Variants in NOSIP observed in about 807,000 individuals in gnomAD.
The protein encoded by NOSIP is nitric oxide synthase interacting protein.
In NOSIP, 25 loss-of-function variants were observed where a neutral mutation model predicts 36.4. The observed-to-expected ratio is 0.69, with a 90% CI of 0.50 to 0.96. The LOEUF (loss-of-function observed/expected upper bound fraction) is 0.96, where lower values mean the gene tolerates loss of function less well. Ranked by LOEUF, NOSIP falls within the 40% of genes least tolerant of loss-of-function variation. NOSIP has a pLI of 0.00. For synonymous variants in NOSIP, 187 were observed against 179.2 expected (o/e 1.04, Z -0.35); for missense variants, 370 against 429.0 (o/e 0.86, Z 1.21).
At chr19:49,561,422 T>C (rs73057960) in intron 1 of NOSIP, among the ~76,000 whole-genome samples, 13,846 of 152,224 alleles carry the variant, frequency 0.091, 901 homozygotes, top group Non-Finnish European at 0.13. Context: ...ACCAGAATAG[T>C]ATAAGGAACC....
At position 49,557,211 on chromosome 19, in the gene NOSIP, C is replaced by G. The variant is rs762403392; in HGVS notation, c.297G>C (p.Gln99His). The G allele has an allele frequency of 6.2e-7, 1 of 1,600,646 alleles. No individual in the cohort carries two copies. Among genetic ancestry groups the G allele is most frequent in the Non-Finnish European group, 8.5e-7 (1 of 1,174,420 alleles). ...GCGAGGCCGCCCGCTGAAGCTCCTT[C>G]TGCTCCTCGCGCCGGGTGCCCCGCT... ...EKQRGTRREEQKELQRAASQD... is the reference protein window; with the variant it reads ...EKQRGTRREEHKELQRAASQD... The change falls in exon 5 of 9, where the codon CAG (glutamine) becomes CAC (histidine). Residue 99 changes from glutamine to histidine, a missense_variant. Transcript: ENST00000596358.
At chr19:49,559,510 CA>C (rs112494970) in intron 3 of NOSIP, 4,069 of 164,722 alleles carry the variant, frequency 0.025, no homozygotes, top group South Asian at 0.078. Context: ...GACTCTGTCT[CA>C]AAAAAAAAAA....
chr19:49,571,485 C>A (rs2080483563), intron 1 of NOSIP, among the ~76,000 whole-genome samples: 1 of 152,112 alleles, frequency 6.6e-6, no homozygotes, highest in African/African-American at 2.4e-5. Context: ...CTGCTGTCAC[C>A]AGCATTTCAG....
chr19:49,571,637 T>A (rs145929707), intron 1 of NOSIP, among the ~76,000 whole-genome samples: 177 of 152,246 alleles, frequency 1.2e-3, no homozygotes, highest in East Asian at 7.7e-4. Context: ...CTGGAGCCAT[T>A]CCTTTTAACT....
chr19:49,568,208 T>A (rs771520943), intron 1 of NOSIP, among the ~76,000 whole-genome samples: 1 of 152,190 alleles, frequency 6.6e-6, no homozygotes, highest in Non-Finnish European at 1.5e-5. Context: ...CATACCAACA[T>A]ACTCCAAAAA....
Position 49,555,748 on chromosome 19 carries a change from C to A in NOSIP, c.*3G>T. Reference sequence around the variant, plus strand: ...GCCGGTTTATTTGGTCTCCCGCACACACTCAGGCCTGCATCACCGGCCGTG... The same window carrying A: ...GCCGGTTTATTTGGTCTCCCGCACAAACTCAGGCCTGCATCACCGGCCGTG... On this transcript the variant is annotated 3_prime_UTR_variant, in exon 9 of 9. Transcript: ENST00000596358. The A allele has an allele frequency of 6.2e-7, 1 of 1,613,178 alleles. No individual in the cohort carries two copies. The highest frequency in any genetic ancestry group is 1.1e-5 in the South Asian group (1 of 91,062).
Position 49,578,324 on chromosome 19 carries a change from A to G in NOSIP, c.-2+2191T>C, listed in dbSNP as rs551533402. Reference sequence around the variant, plus strand: ...TTTTTAGTAGAGATGAGGTTTTACCATGTTGGCCAGGCTGGTTTCGAACTC... The same window carrying G: ...TTTTTAGTAGAGATGAGGTTTTACCGTGTTGGCCAGGCTGGTTTCGAACTC... On this transcript the variant is annotated intron_variant, in intron 1 of 8. Transcript: ENST00000596358. Among the ~76,000 whole-genome samples the G allele has an allele frequency of 4.5e-4, 68 of 152,070 alleles. 1 individual carries two copies. The highest frequency in any genetic ancestry group is 1.5e-3 in the African/African-American group (64 of 41,506).
intron 1 of NOSIP, among the ~76,000 whole-genome samples, chr19:49,572,776 C>A (rs1463061136): frequency 2.0e-5 from 3 of 152,016 alleles, no homozygotes; most frequent in African/African-American, 7.2e-5. Context: ...GAGTTCAAGA[C>A]CAGCCTGGCC....
In NOSIP at chr19:49,579,915, G is replaced by C. The variant is rs138559475; in HGVS notation, c.-2+600C>G. Among the ~76,000 whole-genome samples the C allele has an allele frequency of 2.6e-5, 4 of 152,080 alleles. No homozygotes were observed. The East Asian group carries it at 7.7e-4, about 29-fold the overall frequency. ...AACATTAACATCAAACTGCCTCAAG[G>C]ACCGTTCAAGCCCCAAGTTCACAGA... On this transcript the variant is annotated intron_variant, in intron 1 of 8. Transcript: ENST00000596358.
intron 3 of NOSIP, 86 bp downstream of exon 3, chr19:49,559,848 G>A: frequency 2.2e-6 from 2 of 908,764 alleles, no homozygotes; most frequent in South Asian, 2.8e-5. Flanking sequence ...TGGCTGTGCA[G>A]GTGGCCAGAC....
chr19:49,574,709 C>A (rs1222387630), intron 1 of NOSIP, among the ~76,000 whole-genome samples: 1 of 152,084 alleles, frequency 6.6e-6, no homozygotes, highest in Admixed American at 6.6e-5. Flanking sequence ...AGAGAAAGCT[C>A]TCTGGTGTCT....
chr19:49,571,983 C>CAAAA lies in NOSIP; in HGVS notation c.-2+8528_-2+8531dup, dbSNP rs35870721. ...CTGGCGACAGAGTGAGACTCTGTCTCAAAAAAAAAAAAAAAAAAAAGCCAA... is the reference window on the plus strand; with the variant it reads ...CTGGCGACAGAGTGAGACTCTGTCTCAAAAAAAAAAAAAAAAAAAAAAAAGCCAA... On this transcript the variant is annotated intron_variant, in intron 1 of 8. Transcript: ENST00000596358. 9.6e-3 allele frequency among the ~76,000 whole-genome samples: 546 copies of CAAAA among 56,904 alleles called. 24 individuals carry two copies. The highest frequency in any genetic ancestry group is 0.031 in the African/African-American group (449 of 14,538). 37.3% of individuals were successfully genotyped at this position (56,904 alleles called of 152,430 possible). A position where few individuals can be genotyped will look rare whatever the true frequency, so the allele number is the denominator to read the frequency against.
chr19:49,573,340 C>T (rs2080510472), intron 1 of NOSIP, among the ~76,000 whole-genome samples: 1 of 152,168 alleles, frequency 6.6e-6, no homozygotes, highest in Non-Finnish European at 1.5e-5. Flanking sequence ...TTTGCCTCCT[C>T]CAAGAAGCCT....
intron 8 of NOSIP, 144 bp downstream of exon 8, chr19:49,556,173 G>GA (rs1312641035): frequency 4.9e-6 from 2 of 409,344 alleles, no homozygotes; most frequent in Admixed American, 4.1e-5. Context: ...GAGAAAGCGG[G>GA]GGGGGGGGGC....
intron 1 of NOSIP, among the ~76,000 whole-genome samples, chr19:49,563,741 C>G (rs1215822331): frequency 6.6e-6 from 1 of 150,808 alleles, no homozygotes; most frequent in Admixed American, 6.6e-5. Context: ...GTGATCCACC[C>G]GCCTCGGCCT....
intron 4 of NOSIP, chr19:49,558,069 A>G (rs1466408820): frequency 3.2e-6 from 1 of 308,232 alleles, no homozygotes; most frequent in Non-Finnish European, 4.7e-6. Flanking sequence ...TACCCATCAA[A>G]TGGCTTTGTC....
intron 1 of NOSIP, among the ~76,000 whole-genome samples, chr19:49,566,193 G>C (rs1268776558): frequency 6.6e-6 from 1 of 151,804 alleles, no homozygotes; most frequent in Non-Finnish European, 1.5e-5. Context: ...CTAATTTTTT[G>C]TATTTTTTAG....
intron 1 of NOSIP, among the ~76,000 whole-genome samples, chr19:49,566,233 GAT>G (rs2080406524): frequency 6.6e-6 from 1 of 152,066 alleles, no homozygotes; most frequent in Non-Finnish European, 1.5e-5. Context: ...TGTTAGCCAG[GAT>G]GGTCTCGATC....
Position 49,555,539 on chromosome 19 carries a change from G to A in NOSIP, c.*212C>T, listed in dbSNP as rs1156442596. Among the ~76,000 whole-genome samples, 2 of 152,206 alleles carry A rather than the reference G, an allele frequency of 1.3e-5. No homozygotes were observed. Among genetic ancestry groups the A allele is most frequent in the African/African-American group, 2.4e-5 (1 of 41,462 alleles). On this transcript the variant is annotated 3_prime_UTR_variant, in exon 9 of 9. Transcript: ENST00000596358. ...CTCCGAAAGTGCTGGGATTACAGGC[G>A]TGAGCCACCGTGCCTGGCCAGATTT... is the stretch of plus-strand genomic sequence containing the variant.
Sources: allele counts gnomAD v4.1 joint callset (sites outside exome capture counted in the v4.1 genomes callset), GRCh38; gene constraint gnomAD v4.1.1; transcripts MANE v1.5; gene names NCBI Gene and HGNC (gene_info 2026-07-23, HGNC 2026-07-21).